Variants in CDH13 observed in about 807,000 individuals in gnomAD.
CDH13 encodes the protein cadherin-13.
In CDH13, 24 loss-of-function variants were observed where a neutral mutation model predicts 63.8. The ratio of observed to expected loss-of-function variants is 0.38; its 90% CI spans 0.27 to 0.53. CDH13 has a LOEUF of 0.53. Among genes scored for constraint, CDH13 ranks in the 20% least tolerant of loss-of-function variants. The pLI, the probability that CDH13 is intolerant of heterozygous loss-of-function variation, is 0.85. For missense variants in CDH13, 1,049 were observed against 903.1 expected (o/e 1.16, Z -2.07); for synonymous variants, 503 against 355.3 (o/e 1.42, Z -4.67).
At chr16:83,487,218 C>A (rs1015604836) in intron 7 of CDH13, among the ~76,000 whole-genome samples, 1 of 152,216 alleles carries the variant, frequency 6.6e-6, no homozygotes, top group African/African-American at 2.4e-5. Context: ...GACCCCTGGC[C>A]CAGTCAGTCC....
At chr16:83,491,568 GT>G (rs57321427) in intron 7 of CDH13, among the ~76,000 whole-genome samples, 48,142 of 143,098 alleles carry the variant, frequency 0.34, 7,653 homozygotes, top group African/African-American at 0.43. Flanking sequence ...AATGGTCAGG[GT>G]TTTTTTTTTT....
chr16:83,692,337 T>C (rs1393349610), intron 10 of CDH13, among the ~76,000 whole-genome samples: 1 of 152,170 alleles, frequency 6.6e-6, no homozygotes, highest in Admixed American at 6.5e-5. Context: ...CTCCCTGGAC[T>C]CAAGGTTGCA....
rs1340520400 is a variant in CDH13 at position 83,395,140 on chromosome 16, T to G, written c.781+50134T>G. Among the ~76,000 whole-genome samples the G allele has an allele frequency of 7.1e-5, 6 of 84,808 alleles. 1 individual carries two copies. The highest frequency in any genetic ancestry group is 2.9e-4 in the African/African-American group (6 of 20,642). 55.6% of individuals were successfully genotyped at this position (84,808 alleles called of 152,430 possible). On this transcript the variant is annotated intron_variant, in intron 6 of 13. Coordinates refer to ENST00000567109, the MANE Select transcript of CDH13 (RefSeq NM_001257.5). ...TCCAGCCTGGACGACAGAGCGAGAC[T>G]CCATCTCAAAAAAAAAAAAAAAAAA...
intron 5 of CDH13, among the ~76,000 whole-genome samples, chr16:83,278,133 A>G (rs1464488313): frequency 6.6e-6 from 1 of 152,172 alleles, no homozygotes; most frequent in East Asian, 1.9e-4. Context: ...AAAATGCATT[A>G]TATTTCCCAG....
At chr16:83,505,912 G>A (rs1387380) in intron 7 of CDH13, among the ~76,000 whole-genome samples, 107,161 of 152,094 alleles carry the variant, frequency 0.7, 38,035 homozygotes, top group East Asian at 0.89. Flanking sequence ...GCATCAGCAT[G>A]TTCCTTCCTT....
At chr16:83,434,454 C>G (rs2072224905) in intron 6 of CDH13, among the ~76,000 whole-genome samples, 1 of 152,132 alleles carries the variant, frequency 6.6e-6, no homozygotes, top group Admixed American at 6.5e-5. Context: ...TGGTCCAGCC[C>G]TGCCACCTCT....
At chr16:83,726,371 A>G (rs189228261) in intron 10 of CDH13, 1 of 100,992 alleles carries the variant, frequency 9.9e-6, no homozygotes, top group East Asian at 3.6e-4. Context: ...GATAGGGTCC[A>G]TTCATTCATT....
chr16:83,071,680 A>G (rs2032448754), intron 3 of CDH13, among the ~76,000 whole-genome samples: 1 of 152,198 alleles, frequency 6.6e-6, no homozygotes. Flanking sequence ...CAAGTCATAA[A>G]CATAGAAAAG....
intron 12 of CDH13, among the ~76,000 whole-genome samples, chr16:83,782,824 G>A (rs942102820): frequency 6.6e-6 from 1 of 152,030 alleles, no homozygotes; most frequent in African/African-American, 2.4e-5. Flanking sequence ...CCCACATTGA[G>A]AGCAGGTGGA....
chr16:83,250,291 A>T (rs555868588), intron 5 of CDH13, among the ~76,000 whole-genome samples: 211 of 152,346 alleles, frequency 1.4e-3, no homozygotes, highest in Admixed American at 3.4e-3. Context: ...TTAATTTAAT[A>T]TTCAAAGAAC....
intron 10 of CDH13, among the ~76,000 whole-genome samples, chr16:83,706,772 G>T (rs529377134): frequency 6.6e-6 from 1 of 152,324 alleles, no homozygotes; most frequent in South Asian, 2.1e-4. Context: ...GGAAAAAGCT[G>T]CTTCAGCGAT....
At chr16:82,759,258 C>A (rs1312183351) in intron 1 of CDH13, among the ~76,000 whole-genome samples, 1 of 152,146 alleles carries the variant, frequency 6.6e-6, no homozygotes, top group Non-Finnish European at 1.5e-5. Context: ...CCCTTCTCTG[C>A]CTCATTTTTC....
chr16:83,222,945 G>T (rs1307273854), intron 5 of CDH13, among the ~76,000 whole-genome samples: 1 of 152,020 alleles, frequency 6.6e-6, no homozygotes, highest in Non-Finnish European at 1.5e-5. Context: ...AATTGTAGGA[G>T]GCTTAGCAGC....
At chr16:83,498,331 C>T (rs2074195752) in intron 7 of CDH13, among the ~76,000 whole-genome samples, 1 of 152,190 alleles carries the variant, frequency 6.6e-6, no homozygotes, top group Non-Finnish European at 1.5e-5. Flanking sequence ...TCTCTAGAGG[C>T]TCCAAAGGAG....
intron 2 of CDH13, among the ~76,000 whole-genome samples, chr16:82,916,147 G>C (rs1237759301): frequency 6.6e-6 from 1 of 152,090 alleles, no homozygotes; most frequent in Non-Finnish European, 1.5e-5. Flanking sequence ...CATAAAGCAA[G>C]CGTTTATTTG....
chr16:82,804,944 A>G (rs2037070964), intron 1 of CDH13, among the ~76,000 whole-genome samples: 1 of 152,236 alleles, frequency 6.6e-6, no homozygotes, highest in South Asian at 2.1e-4. Context: ...TATTTTAAGC[A>G]GAATTATTCA....
intron 3 of CDH13, among the ~76,000 whole-genome samples, chr16:83,069,196 G>C (rs981312551): frequency 2.0e-5 from 3 of 152,132 alleles, no homozygotes; most frequent in Non-Finnish European, 4.4e-5. Flanking sequence ...TCCAATAAAG[G>C]AGTAATCAGT....
chr16:82,864,868 C>G (rs1008019030), intron 2 of CDH13, among the ~76,000 whole-genome samples: 1 of 152,170 alleles, frequency 6.6e-6, no homozygotes, highest in Non-Finnish European at 1.5e-5. Context: ...TCCCTTCCAC[C>G]TAGAGGCCTG....
intron 10 of CDH13, among the ~76,000 whole-genome samples, chr16:83,741,338 C>A (rs140830875): frequency 4.6e-5 from 7 of 150,912 alleles, no homozygotes; most frequent in Non-Finnish European, 5.9e-5. Flanking sequence ...AAGAATTCCC[C>A]TACTGTTTCC....
Sources: allele counts gnomAD v4.1 joint callset (sites outside exome capture counted in the v4.1 genomes callset), GRCh38; gene constraint gnomAD v4.1.1; transcripts MANE v1.5; gene names NCBI Gene and HGNC (gene_info 2026-07-23, HGNC 2026-07-21).